The following ST6GALNAC3 variants were observed in gnomAD, a reference collection of about 807,000 sequenced individuals.
ST6GALNAC3 encodes ST6 N-acetylgalactosaminide alpha-2,6-sialyltransferase 3, also known as alpha-N-acetylgalactosaminide alpha-2,6-sialyltransferase 3.
In ST6GALNAC3, 25 loss-of-function variants were observed where a neutral mutation model predicts 32.7. That is an observed-to-expected ratio of 0.76 (90% CI 0.56 to 1.07). The LOEUF (loss-of-function observed/expected upper bound fraction) is 1.07. ST6GALNAC3 is among the 50% of genes least tolerant of loss of function. The pLI is 0.00. For missense variants in ST6GALNAC3, 355 were observed against 382.4 expected (o/e 0.93, Z 0.60); for synonymous variants, 129 against 133.1 (o/e 0.97, Z 0.21).
intron 1 of ST6GALNAC3, among the ~76,000 whole-genome samples, chr1:76,162,452 T>C (rs1475274113): frequency 6.6e-6 from 1 of 152,216 alleles, no homozygotes; most frequent in African/African-American, 2.4e-5. Flanking sequence ...CAGGCACACC[T>C]GGCTGAAGTT....
intron 1 of ST6GALNAC3, among the ~76,000 whole-genome samples, chr1:76,298,185 C>T (rs1484769539): frequency 6.6e-6 from 1 of 151,850 alleles, no homozygotes; most frequent in African/African-American, 2.4e-5. Flanking sequence ...CTCCCTCTCA[C>T]CTAAGTAGGA....
intron 1 of ST6GALNAC3, among the ~76,000 whole-genome samples, chr1:76,181,264 G>C (rs373954951): frequency 6.6e-6 from 1 of 152,194 alleles, no homozygotes; most frequent in African/African-American, 2.4e-5. Context: ...AATTTATTCA[G>C]ACATGGATAG....
chr1:76,299,523 A>C (rs569584104), intron 1 of ST6GALNAC3, among the ~76,000 whole-genome samples: 1 of 152,112 alleles, frequency 6.6e-6, no homozygotes, highest in African/African-American at 2.4e-5. Context: ...AAGTTCAGTC[A>C]CTGGGGCCTA....
intron 1 of ST6GALNAC3, among the ~76,000 whole-genome samples, chr1:76,082,720 A>G (rs1333628038): frequency 6.6e-6 from 1 of 151,824 alleles, no homozygotes; most frequent in Admixed American, 6.6e-5. Context: ...CTTACCCCAC[A>G]CTCCATATCT....
intron 3 of ST6GALNAC3, among the ~76,000 whole-genome samples, chr1:76,452,869 T>C (rs1657508656): frequency 6.6e-6 from 1 of 152,220 alleles, no homozygotes; most frequent in Non-Finnish European, 1.5e-5. Flanking sequence ...AATTTTTCTT[T>C]GAATGTCTGA....
chr1:76,329,951 G>A (rs1266921571), intron 2 of ST6GALNAC3, among the ~76,000 whole-genome samples: 1 of 151,626 alleles, frequency 6.6e-6, no homozygotes, highest in African/African-American at 2.4e-5. Flanking sequence ...TGGGATTACA[G>A]GCATGCACCA....
intron 2 of ST6GALNAC3, among the ~76,000 whole-genome samples, chr1:76,343,951 C>G (rs1392590216): frequency 1.3e-5 from 2 of 152,156 alleles, no homozygotes; most frequent in East Asian, 3.9e-4. Flanking sequence ...GTTGTGGTAT[C>G]CACTAGATGT....
chr1:76,562,156 A>T (rs1665281125), intron 3 of ST6GALNAC3, among the ~76,000 whole-genome samples: 1 of 152,148 alleles, frequency 6.6e-6, no homozygotes, highest in Admixed American at 6.6e-5. Context: ...GCTGATGAAA[A>T]TGTTCTAAAA....
Position 76,208,047 on chromosome 1 carries a change from C to CCG in ST6GALNAC3, c.19-105757_19-105756insGC, listed in dbSNP as rs1056249119. Among the ~76,000 whole-genome samples the CCG allele has an allele frequency of 1.3e-4, 7 of 55,066 alleles. 1 individual carries two copies. The highest frequency in any genetic ancestry group is 2.5e-4 in the African/African-American group (7 of 27,728). 36.1% of individuals were successfully genotyped at this position (55,066 alleles called of 152,430 possible). A position where few individuals can be genotyped will look rare whatever the true frequency, so the allele number is the denominator to read the frequency against. On this transcript the variant is annotated intron_variant, in intron 1 of 4. Transcript: ENST00000328299. ...GCTGTTCCCACTCAAGAGTGCCCCC[C>CCG]CCCCCAAAAAATAGTTCACCCAGAA...
At chr1:76,365,260 T>C (rs1650279085) in intron 2 of ST6GALNAC3, among the ~76,000 whole-genome samples, 1 of 152,128 alleles carries the variant, frequency 6.6e-6, no homozygotes, top group East Asian at 1.9e-4. Flanking sequence ...TCCTTATAAG[T>C]GGGAGCTAAA....
At chr1:76,615,890 C>A (rs1327716526) in intron 3 of ST6GALNAC3, among the ~76,000 whole-genome samples, 2 of 150,096 alleles carry the variant, frequency 1.3e-5, no homozygotes, top group East Asian at 3.9e-4. Flanking sequence ...AAAGAAATTA[C>A]TACTGTTTTC....
chr1:76,221,850 A>G (rs1255637071), intron 1 of ST6GALNAC3, among the ~76,000 whole-genome samples: 3 of 152,154 alleles, frequency 2.0e-5, no homozygotes, highest in Non-Finnish European at 2.9e-5. Context: ...ATTAATATAA[A>G]AGTCATGACT....
At chr1:76,419,712 C>A (rs1231500155) in intron 3 of ST6GALNAC3, among the ~76,000 whole-genome samples, 1 of 152,070 alleles carries the variant, frequency 6.6e-6, no homozygotes, top group Non-Finnish European at 1.5e-5. Context: ...AATTTTCATC[C>A]TATACTACGC....
At chr1:76,149,553 A>G (rs568686103) in intron 1 of ST6GALNAC3, among the ~76,000 whole-genome samples, 36 of 152,350 alleles carry the variant, frequency 2.4e-4, no homozygotes, top group African/African-American at 8.7e-4. Context: ...TTATGAAATG[A>G]TTACCACAAT....
intron 3 of ST6GALNAC3, among the ~76,000 whole-genome samples, chr1:76,546,890 T>C (rs151251626): frequency 6.6e-6 from 1 of 152,226 alleles, no homozygotes; most frequent in Non-Finnish European, 1.5e-5. Context: ...GCTCAGGCAA[T>C]TTGGAAGTGC....
At chr1:76,209,634 G>T (rs1447388520) in intron 1 of ST6GALNAC3, among the ~76,000 whole-genome samples, 1 of 152,202 alleles carries the variant, frequency 6.6e-6, no homozygotes, top group Admixed American at 6.5e-5. Flanking sequence ...CGGGAATCTT[G>T]AAGTGTCCCA....
intron 2 of ST6GALNAC3, among the ~76,000 whole-genome samples, chr1:76,406,294 A>G (rs1384172937): frequency 6.6e-6 from 1 of 152,022 alleles, no homozygotes; most frequent in Non-Finnish European, 1.5e-5. Context: ...GTGGGGAGGT[A>G]TTATTCCCTT....
At chr1:76,337,780 G>T (rs1647624431) in intron 2 of ST6GALNAC3, among the ~76,000 whole-genome samples, 2 of 152,188 alleles carry the variant, frequency 1.3e-5, no homozygotes, top group Admixed American at 6.5e-5. Flanking sequence ...CTTGAGGGTT[G>T]TGACACTTCC....
At chr1:76,355,714 C>T (rs1338004165) in intron 2 of ST6GALNAC3, among the ~76,000 whole-genome samples, 1 of 152,208 alleles carries the variant, frequency 6.6e-6, no homozygotes, top group African/African-American at 2.4e-5. Flanking sequence ...ACTCAGAGTG[C>T]TGTATCATTC....
Sources: allele counts gnomAD v4.1 joint callset (sites outside exome capture counted in the v4.1 genomes callset), GRCh38; gene constraint gnomAD v4.1.1; transcripts MANE v1.5; gene names NCBI Gene and HGNC (gene_info 2026-07-23, HGNC 2026-07-21).